The following XPO1 variants were observed in gnomAD, a reference collection of about 807,000 sequenced individuals.
The protein encoded by XPO1 is exportin 1, also known as exportin-1.
In XPO1, 5 loss-of-function variants were observed where a neutral mutation model predicts 133.3. The ratio of observed to expected loss-of-function variants is 0.04; its 90% confidence interval spans 0.02 to 0.08. XPO1 has a LOEUF of 0.08. XPO1 is among the 10% of genes least tolerant of loss of function. XPO1 has a pLI of 1.00. For synonymous variants in XPO1, 419 were observed against 408.2 expected (o/e 1.03, Z -0.32); for missense variants, 506 against 1,267.5 (o/e 0.40, Z 9.12).
chr2:61,498,614 A>C (rs1017884264), intron 9 of XPO1, 59 bp downstream of exon 9: 2 of 1,593,732 alleles, frequency 1.3e-6, no homozygotes, highest in African/African-American at 1.3e-5. Context: ...AGAGCTTTAC[A>C]TGTGAAAAGA....
At chr2:61,488,916 A>T in intron 17 of XPO1, 145 bp from the exon 18 acceptor site, 1 of 822,754 alleles carries the variant, frequency 1.2e-6, no homozygotes, top group Non-Finnish European at 1.9e-6. Context: ...CCTGGATAAC[A>T]CGGTGAAACC....
At chr2:61,515,679 T>C (rs1170925765) in intron 4 of XPO1, among the ~76,000 whole-genome samples, 2 of 151,206 alleles carry the variant, frequency 1.3e-5, no homozygotes, top group African/African-American at 4.9e-5. Flanking sequence ...ACCACGTGTC[T>C]CACGTCAAAG....
In XPO1 at chr2:61,485,840, C is replaced by A. The variant is rs1573110649; in HGVS notation, c.2436G>T (p.Gly812=). Residue 812 remains glycine, a synonymous_variant, in exon 20 of 25, where the codon GGG becomes GGT. Coordinates refer to ENST00000401558, the MANE Select transcript of XPO1 (RefSeq NM_003400.4). ...STMAIIVNKL[G]GHITAEIPQI... ...GAGGTATTTCAGCTGTTATATGTCC[C>A]CCTAACTTGTTGACAATTATGGCCA... The A allele has an allele frequency of 2.5e-6, 4 of 1,613,980 alleles. No individual in the cohort carries two copies. The highest frequency in any genetic ancestry group is 3.4e-6 in the Non-Finnish European group (4 of 1,179,968).
intron 2 of XPO1, among the ~76,000 whole-genome samples, chr2:61,530,492 A>C (rs1224581444): frequency 6.6e-6 from 1 of 152,198 alleles, no homozygotes; most frequent in African/African-American, 2.4e-5. Flanking sequence ...AATAGAGTTC[A>C]AGATCTTTAA....
chr2:61,493,674 C>T lies in XPO1; in HGVS notation c.1245+220G>A, dbSNP rs537203799. 6.7e-4 allele frequency: 317 copies of T among 470,042 alleles called. 6 individuals are homozygous for T. In the South Asian group the frequency reaches 8.1e-3, roughly 12 times the overall value. 29.1% of individuals were successfully genotyped at this position (470,042 alleles called of 1,614,324 possible). A position where few individuals can be genotyped will look rare whatever the true frequency, so the allele number is the denominator to read the frequency against. ...GCAGGTGGCCAATGAATTTGCCTAA[C>T]GAAATCACAACCAATGTTGATACTG... On this transcript the variant is annotated intron_variant, in intron 12 of 24. Transcript: ENST00000401558.
intron 3 of XPO1, chr2:61,526,027 T>C: frequency 9.3e-7 from 1 of 1,069,580 alleles, no homozygotes; most frequent in Non-Finnish European, 1.1e-6. Flanking sequence ...TGGAGTAGGG[T>C]TTTAAGCTGT....
At chr2:61,484,306 A>G (rs1696561142) in intron 20 of XPO1, 1 of 504,080 alleles carries the variant, frequency 2.0e-6, no homozygotes, top group Non-Finnish European at 3.5e-6. Context: ...TACGCACATG[A>G]GTTATCAAAT....
chr2:61,494,395 T>TA, intron 11 of XPO1: 1 of 281,116 alleles, frequency 3.6e-6, no homozygotes, highest in Non-Finnish European at 6.8e-6. Context: ...AACCCAAATG[T>TA]ACCATCACAG....
At chr2:61,491,277 A>G (rs1017337491) in intron 16 of XPO1, among the ~76,000 whole-genome samples, 2 of 151,990 alleles carry the variant, frequency 1.3e-5, no homozygotes, top group Non-Finnish European at 2.9e-5. Context: ...CCTGACCAAC[A>G]TGGAGAAACC....
At chr2:61,504,605 T>G (rs1697704688) in intron 4 of XPO1, among the ~76,000 whole-genome samples, 1 of 152,146 alleles carries the variant, frequency 6.6e-6, no homozygotes, top group Non-Finnish European at 1.5e-5. Context: ...GTTCCAAGCC[T>G]CATCTGGCAT....
chr2:61,513,879 C>T (rs1698219308), intron 4 of XPO1, among the ~76,000 whole-genome samples: 1 of 151,976 alleles, frequency 6.6e-6, no homozygotes, highest in South Asian at 2.1e-4. Flanking sequence ...GGGAATAGCC[C>T]AATAAAAACT....
chr2:61,505,794 G>A (rs1558653800), intron 4 of XPO1, among the ~76,000 whole-genome samples: 1 of 152,050 alleles, frequency 6.6e-6, no homozygotes, highest in Non-Finnish European at 1.5e-5. Flanking sequence ...CTGACTTCAG[G>A]TGATCCGCCC....
At chr2:61,488,444 T>G (rs1418544501) in intron 18 of XPO1, 144 bp downstream of exon 18, 1 of 1,129,188 alleles carries the variant, frequency 8.9e-7, no homozygotes, top group Non-Finnish European at 1.3e-6. Context: ...AAGGTACACT[T>G]AACTGTTTTA....
chr2:61,497,837 A>G (rs971375058), intron 9 of XPO1, among the ~76,000 whole-genome samples: 4 of 152,230 alleles, frequency 2.6e-5, no homozygotes, highest in Non-Finnish European at 4.4e-5. Flanking sequence ...ATGTTTGGAC[A>G]ATTGCATAAT....
chr2:61,499,530 A>G (rs1012651709), intron 7 of XPO1, among the ~76,000 whole-genome samples, 183 bp downstream of exon 7: 1 of 152,334 alleles, frequency 6.6e-6, no homozygotes, highest in South Asian at 2.1e-4. Context: ...TCATTTTTCA[A>G]CCTTCAGAGG....
At chr2:61,499,006 G>A (rs1697374908) in intron 7 of XPO1, 93 bp from the exon 8 acceptor site, 2 of 1,367,886 alleles carry the variant, frequency 1.5e-6, no homozygotes, top group Non-Finnish European at 2.0e-6. Flanking sequence ...TTAAAGCCCA[G>A]TACAGTGGCT....
chr2:61,532,703 C>G (rs1030432917), intron 2 of XPO1, among the ~76,000 whole-genome samples: 1 of 151,282 alleles, frequency 6.6e-6, no homozygotes, highest in African/African-American at 2.4e-5. Context: ...GGCATGGTGG[C>G]GCGTCTGTAG....
intron 2 of XPO1, among the ~76,000 whole-genome samples, chr2:61,531,858 T>A (rs1208812143): frequency 6.6e-6 from 1 of 152,174 alleles, no homozygotes; most frequent in African/African-American, 2.4e-5. Context: ...TAGGAGATAA[T>A]ATACTGATCA....
chr2:61,515,247 A>T (rs887650250), intron 4 of XPO1, among the ~76,000 whole-genome samples: 5 of 152,150 alleles, frequency 3.3e-5, no homozygotes, highest in Non-Finnish European at 5.9e-5. Flanking sequence ...CCAACTGTAC[A>T]CTTTAAACCT....
Sources: allele counts gnomAD v4.1 joint callset (sites outside exome capture counted in the v4.1 genomes callset), GRCh38; gene constraint gnomAD v4.1.1; transcripts MANE v1.5; gene names NCBI Gene and HGNC (gene_info 2026-07-23, HGNC 2026-07-21).